The following ADGRL2 variants were observed in gnomAD, a reference collection of about 807,000 sequenced individuals.
The protein encoded by ADGRL2 is adhesion G protein-coupled receptor L2.
In ADGRL2, 44 loss-of-function variants were observed where a neutral mutation model predicts 157.4. The observed-to-expected ratio is 0.28, with a 90% confidence interval of 0.22 to 0.36. ADGRL2 has a LOEUF of 0.36. Ranked by LOEUF, ADGRL2 falls within the 10% of genes least tolerant of loss-of-function variation. ADGRL2 has a pLI of 1.00. For missense variants in ADGRL2, 1,510 were observed against 1,768.9 expected (o/e 0.85, Z 2.63); for synonymous variants, 585 against 624.7 (o/e 0.94, Z 0.95).
At chr1:81,386,068 C>T (rs1490732816) in intron 1 of ADGRL2, among the ~76,000 whole-genome samples, 1 of 152,064 alleles carries the variant, frequency 6.6e-6, no homozygotes, top group East Asian at 1.9e-4. Context: ...ATAGCGCAAT[C>T]TATTAGGTTT....
intron 11 of ADGRL2, among the ~76,000 whole-genome samples, chr1:81,960,131 T>C (rs1395382389): frequency 6.6e-6 from 1 of 152,142 alleles, no homozygotes; most frequent in Non-Finnish European, 1.5e-5. Flanking sequence ...TATTTCTCTT[T>C]GCATACTAAA....
At chr1:81,470,043 A>G (rs2078138779) in intron 2 of ADGRL2, among the ~76,000 whole-genome samples, 1 of 152,178 alleles carries the variant, frequency 6.6e-6, no homozygotes, top group African/African-American at 2.4e-5. Flanking sequence ...GTCTCTCTAG[A>G]GTTCCTGGAA....
At chr1:81,679,206 G>GT (rs1344063981) in intron 3 of ADGRL2, among the ~76,000 whole-genome samples, 2 of 152,140 alleles carry the variant, frequency 1.3e-5, no homozygotes, top group Non-Finnish European at 2.9e-5. Flanking sequence ...AATGGGAGGT[G>GT]TAAGAGGAGT....
chr1:81,760,902 T>C (rs897471832), intron 1 of ADGRL2, among the ~76,000 whole-genome samples: 1 of 151,908 alleles, frequency 6.6e-6, no homozygotes, highest in African/African-American at 2.4e-5. Flanking sequence ...TACAATTAAA[T>C]ACAAACTAAT....
At chr1:81,724,938 G>T (rs534068902) in intron 1 of ADGRL2, among the ~76,000 whole-genome samples, 1 of 152,348 alleles carries the variant, frequency 6.6e-6, no homozygotes, top group South Asian at 2.1e-4. Context: ...GGGCACGGTG[G>T]CTCACGCCTG....
chr1:81,721,615 C>T (rs1005296272), intron 1 of ADGRL2: 1 of 620,192 alleles, frequency 1.6e-6, no homozygotes, highest in South Asian at 1.8e-5. Context: ...AAAATTGCTT[C>T]TGTGCGGTCA....
intron 1 of ADGRL2, among the ~76,000 whole-genome samples, chr1:81,308,131 A>T (rs536151947): frequency 6.6e-6 from 1 of 152,134 alleles, no homozygotes; most frequent in South Asian, 2.1e-4. Flanking sequence ...ACAGTGAGAG[A>T]AGAGGAATTT....
At chr1:81,695,810 G>A (rs1046873260), upstream of ADGRL2, among the ~76,000 whole-genome samples, 2 of 149,048 alleles carry the variant, frequency 1.3e-5, no homozygotes, top group African/African-American at 2.5e-5. Flanking sequence ...GCAACAGAGT[G>A]AGACTCTGTT....
intron 1 of ADGRL2, among the ~76,000 whole-genome samples, chr1:81,373,143 A>G (rs2076189257): frequency 6.6e-6 from 1 of 152,178 alleles, no homozygotes; most frequent in Non-Finnish European, 1.5e-5. Flanking sequence ...GTTGGTGGCA[A>G]TTCAGTCTTA....
intron 2 of ADGRL2, among the ~76,000 whole-genome samples, chr1:81,457,839 G>A (rs188633879): frequency 1.3e-5 from 2 of 152,270 alleles, no homozygotes; most frequent in East Asian, 1.9e-4. Context: ...CATAGCAGGA[G>A]CTTTAGAATC....
intron 3 of ADGRL2, among the ~76,000 whole-genome samples, chr1:81,650,578 A>G (rs1274016604): frequency 6.6e-6 from 1 of 150,578 alleles, no homozygotes; most frequent in Admixed American, 6.6e-5. Context: ...CCATCTCAAA[A>G]AAAAAAAAAA....
At chr1:81,726,765 C>T (rs1428853040) in intron 1 of ADGRL2, among the ~76,000 whole-genome samples, 1 of 152,098 alleles carries the variant, frequency 6.6e-6, no homozygotes, top group Non-Finnish European at 1.5e-5. Context: ...CATCATGTTA[C>T]CTACAGTTTT....
rs1160048277 is a variant in ADGRL2, at chr1:81,993,598, A to G, written c.*2453A>G. Among the ~76,000 whole-genome samples the G allele has an allele frequency of 4.6e-5, 7 of 152,218 alleles. No individual in the cohort carries two copies. Among genetic ancestry groups the G allele is most frequent in the Admixed American group, 4.6e-4 (7 of 15,280 alleles). ...ATCATTGATCTTTGGCATCAAAAGA[A>G]AAGTCATTTTTAAAGCATTTCTTTT... On this transcript the variant is annotated 3_prime_UTR_variant, in exon 24 of 24. Coordinates refer to ENST00000686636, the MANE Select transcript of ADGRL2 (RefSeq NM_001366006.2).
At chr1:81,956,680 A>G (rs1294537504) in intron 11 of ADGRL2, among the ~76,000 whole-genome samples, 3 of 152,210 alleles carry the variant, frequency 2.0e-5, no homozygotes, top group South Asian at 2.1e-4. Context: ...GTAAAATTTT[A>G]TTAATTTAGG....
In ADGRL2 at chr1:81,950,258, C is replaced by T. The variant is rs758616029; in HGVS notation, c.1280C>T (p.Thr427Ile). The change falls in exon 7 of 24, where the codon ACT (threonine) becomes ATT (isoleucine). Residue 427 changes from threonine to isoleucine, a missense_variant. Thr to Ile is a moderately conservative substitution (Grantham distance 89). This residue lies in a region of ADGRL2 where 325 missense variants were observed against 333.2 expected (regional missense o/e 0.98). Coordinates refer to ENST00000686636, the MANE Select transcript of ADGRL2 (RefSeq NM_001366006.2). ...LFKTIISTTS[T>I]TSQKGPMSTT... ...AAAACCATAATATCAACCACAAGCACTACTTCACAGAAAGGCCCCATGAGC... is the reference window on the plus strand; with the variant it reads ...AAAACCATAATATCAACCACAAGCATTACTTCACAGAAAGGCCCCATGAGC... 16 of 1,613,950 alleles carry T rather than the reference C, an allele frequency of 9.9e-6. No individual in the cohort carries two copies. The African/African-American group carries it at 2.0e-4, about 20-fold the overall frequency.
At chr1:81,511,996 GT>G (rs1483322966) in intron 2 of ADGRL2, among the ~76,000 whole-genome samples, 2 of 152,144 alleles carry the variant, frequency 1.3e-5, no homozygotes, top group South Asian at 2.1e-4. Flanking sequence ...CTCTTTATCT[GT>G]TTGTCCATAA....
intron 2 of ADGRL2, among the ~76,000 whole-genome samples, chr1:81,508,785 T>A (rs1206611975): frequency 6.6e-6 from 1 of 152,188 alleles, no homozygotes. Context: ...TTCTCAACAT[T>A]GTTCCTTCAT....
At chr1:81,479,784 A>G (rs577703771) in intron 2 of ADGRL2, among the ~76,000 whole-genome samples, 1 of 152,306 alleles carries the variant, frequency 6.6e-6, no homozygotes, top group East Asian at 1.9e-4. Context: ...GAATTTAACC[A>G]GGAAAGTCTT....
Position 81,542,274 on chromosome 1 carries a change from AAAGT to A in ADGRL2, c.-247-38599_-247-38596del, listed in dbSNP as rs561498700. 1.9e-3 allele frequency among the ~76,000 whole-genome samples: 288 copies of A among 152,280 alleles called. 2 individuals are homozygous for A. Among genetic ancestry groups the A allele is most frequent in the African/African-American group, 6.8e-3 (283 of 41,558 alleles). ...TCTGTCGAGAGCAGCAGGAATGAGG[AAAGT>A]AAAAGGATGCCAGAGGCCTAACACT... On this transcript the variant is annotated intron_variant, in intron 2 of 24. Transcript: ENST00000370721.
Sources: allele counts gnomAD v4.1 joint callset (sites outside exome capture counted in the v4.1 genomes callset), GRCh38; gene constraint gnomAD v4.1.1; regional missense constraint gnomAD v4.1.1; transcripts MANE v1.5; gene names NCBI Gene and HGNC (gene_info 2026-07-23, HGNC 2026-07-21).